HOMER1: variants seen among roughly 807,000 people sequenced by gnomAD.
The protein encoded by HOMER1 is homer protein homolog 1.
Under a neutral mutation model 48.9 loss-of-function variants are expected in HOMER1, and 3 were observed. The observed-to-expected ratio is 0.06, with a 90% CI of 0.03 to 0.16. The LOEUF is 0.16. Ranked by LOEUF, HOMER1 falls within the 10% of genes least tolerant of loss-of-function variation. The pLI, the probability that HOMER1 is intolerant of heterozygous loss-of-function variation, is 1.00. For synonymous variants in HOMER1, 134 were observed against 146.4 expected, an observed-to-expected ratio of 0.92 and a Z score of 0.61; for missense variants, 247 against 411.4, an observed-to-expected ratio of 0.60 and a Z score of 3.46.
At chr5:79,451,584 T>A (rs1366498787) in intron 2 of HOMER1, among the ~76,000 whole-genome samples, 4 of 132,694 alleles carry the variant, frequency 3.0e-5, no homozygotes, top group African/African-American at 9.6e-5. Context: ...TTTTTTTTTT[T>A]AGATGGAGTC....
At chr5:79,464,212 A>T (rs1012799919) in intron 1 of HOMER1, among the ~76,000 whole-genome samples, 1 of 152,224 alleles carries the variant, frequency 6.6e-6, no homozygotes, top group Non-Finnish European at 1.5e-5. Flanking sequence ...GTTGGAACTC[A>T]ACTGAGAGGA....
intron 8 of HOMER1, among the ~76,000 whole-genome samples, chr5:79,388,186 G>A (rs928417422): frequency 6.6e-6 from 1 of 152,158 alleles, no homozygotes; most frequent in Non-Finnish European, 1.5e-5. Flanking sequence ...ACTTGAGGAG[G>A]TAGTCTTAGA....
At chr5:79,484,679 AC>A (rs1752046970) in intron 1 of HOMER1, among the ~76,000 whole-genome samples, 1 of 152,226 alleles carries the variant, frequency 6.6e-6, no homozygotes, top group Non-Finnish European at 1.5e-5. Context: ...AAATATAAAG[AC>A]ACCTATAGGT....
intron 8 of HOMER1, among the ~76,000 whole-genome samples, chr5:79,377,876 G>A (rs1748815606): frequency 6.6e-6 from 1 of 151,714 alleles, no homozygotes; most frequent in Admixed American, 6.6e-5. Flanking sequence ...TCTCAAGTTG[G>A]ATAAAGAATG....
At chr5:79,453,929 C>G (rs1401831120) in intron 2 of HOMER1, among the ~76,000 whole-genome samples, 1 of 152,140 alleles carries the variant, frequency 6.6e-6, no homozygotes, top group Non-Finnish European at 1.5e-5. Context: ...CCTGTAGGAA[C>G]TGCAGCAGTT....
intron 8 of HOMER1, among the ~76,000 whole-genome samples, chr5:79,387,698 T>C (rs1749152554): frequency 6.6e-6 from 1 of 152,172 alleles, no homozygotes; most frequent in African/African-American, 2.4e-5. Context: ...AAAACAAAGA[T>C]GGTTCTTGTT....
chr5:79,401,293 C>T (rs1316198062), intron 6 of HOMER1, among the ~76,000 whole-genome samples: 3 of 151,994 alleles, frequency 2.0e-5, no homozygotes, highest in Non-Finnish European at 2.9e-5. Flanking sequence ...CAACTACATG[C>T]CAATTAAGTA....
intron 5 of HOMER1, among the ~76,000 whole-genome samples, chr5:79,417,344 G>C (rs543611410): frequency 6.9e-4 from 105 of 152,130 alleles, no homozygotes; most frequent in Non-Finnish European, 1.0e-3. Context: ...GGGTTTCACC[G>C]TGTTAGCCAG....
chr5:79,500,249 A>C (rs923195189), intron 1 of HOMER1, among the ~76,000 whole-genome samples: 4 of 152,216 alleles, frequency 2.6e-5, no homozygotes, highest in African/African-American at 9.6e-5. Context: ...AAAAAAAACC[A>C]CAGCTATTTA....
chr5:79,482,336 C>A (rs1415570434), intron 1 of HOMER1, among the ~76,000 whole-genome samples: 1 of 151,906 alleles, frequency 6.6e-6, no homozygotes, highest in Admixed American at 6.6e-5. Flanking sequence ...ATTCAATAAA[C>A]AGAAACACAC....
At chr5:79,421,753 C>T (rs1022252396) in intron 5 of HOMER1, among the ~76,000 whole-genome samples, 10 of 151,794 alleles carry the variant, frequency 6.6e-5, no homozygotes, top group African/African-American at 2.2e-4. Flanking sequence ...TACAGGCACC[C>T]GCCACCATGC....
intron 1 of HOMER1, among the ~76,000 whole-genome samples, chr5:79,457,743 G>A (rs1751211769): frequency 6.6e-6 from 1 of 152,162 alleles, no homozygotes. Context: ...GAGGATGGTA[G>A]GAACATGACA....
At chr5:79,501,002 G>T (rs1752571176) in intron 1 of HOMER1, among the ~76,000 whole-genome samples, 1 of 134,352 alleles carries the variant, frequency 7.4e-6, no homozygotes, top group Admixed American at 7.3e-5. Flanking sequence ...ACAAGGTCTG[G>T]CTCTATTACC....
chr5:79,493,004 C>T lies in HOMER1; in HGVS notation c.5+19766G>A, dbSNP rs557131976. Among the ~76,000 whole-genome samples, 95 of 150,496 alleles carry T rather than the reference C, an allele frequency of 6.3e-4. 1 individual carries two copies. In the Middle Eastern group the frequency reaches 0.014, roughly 22 times the overall value. The stretch of plus-strand genomic sequence containing the variant: ...CACGATCGTGGCTCAATGTAACCTC[C>T]GCCTTCCAGGTTCAAGCAATTCTCG... On this transcript the variant is annotated intron_variant, in intron 1 of 8. Transcript: ENST00000334082.
In HOMER1 at chr5:79,375,360, T is replaced by C. The variant is rs1748742350; in HGVS notation, c.*649A>G. On this transcript the variant is annotated 3_prime_UTR_variant, in exon 9 of 9. Coordinates refer to ENST00000334082, the MANE Select transcript of HOMER1 (RefSeq NM_004272.5). ...AAGTAAACTATACAACAGACAAGAT[T>C]AGAGAACACCAGAGTGTACCAGAGT... 6.6e-6 allele frequency: 1 copy of C among 151,984 alleles called. No individual in the cohort carries two copies. Among genetic ancestry groups the C allele is most frequent in the Non-Finnish European group, 1.5e-5 (1 of 67,924 alleles). 9.4% of individuals were successfully genotyped at this position (151,984 alleles called of 1,614,324 possible).
intron 8 of HOMER1, among the ~76,000 whole-genome samples, chr5:79,387,069 T>TTCTCTCTCTC (rs766145471): frequency 2.3e-3 from 309 of 132,330 alleles, no homozygotes; most frequent in African/African-American, 6.8e-3. Context: ...TTTCCTTTCT[T>TTCTCTCTCTC]TCTCTATCTC....
intron 5 of HOMER1, among the ~76,000 whole-genome samples, chr5:79,403,312 GA>G (rs929192686): frequency 1.8e-4 from 28 of 152,172 alleles, no homozygotes; most frequent in African/African-American, 6.5e-4. Flanking sequence ...GGGTAAATTT[GA>G]TGGGTTGATA....
intron 1 of HOMER1, among the ~76,000 whole-genome samples, chr5:79,471,720 G>A (rs1422604519): frequency 1.3e-5 from 2 of 152,148 alleles, no homozygotes; most frequent in African/African-American, 4.8e-5. Flanking sequence ...CAGCCAGGAG[G>A]GAGAGCAACT....
intron 6 of HOMER1, among the ~76,000 whole-genome samples, chr5:79,398,711 C>T (rs190697039): frequency 1.7e-4 from 26 of 152,246 alleles, no homozygotes; most frequent in East Asian, 9.7e-4. Flanking sequence ...CAGATCTAAA[C>T]GCTCAGATCC....
Sources: allele counts gnomAD v4.1 joint callset (sites outside exome capture counted in the v4.1 genomes callset), GRCh38; gene constraint gnomAD v4.1.1; transcripts MANE v1.5; gene names NCBI Gene and HGNC (gene_info 2026-07-23, HGNC 2026-07-21).